RUSC2: variants seen among roughly 807,000 people sequenced by gnomAD.
RUSC2 encodes RUN and SH3 domain containing 2.
A neutral mutation model predicts 122.2 loss-of-function variants in RUSC2; 34 were observed. That is an observed-to-expected ratio of 0.28 (90% confidence interval 0.21 to 0.37). The LOEUF is 0.37. RUSC2 is among the 10% of genes least tolerant of loss of function. RUSC2 has a pLI of 1.00. For synonymous variants in RUSC2, 784 were observed against 790.0 expected, an observed-to-expected ratio of 0.99 and a Z score of 0.13; for missense variants, 1,747 against 1,952.4, an observed-to-expected ratio of 0.89 and a Z score of 1.98.
In RUSC2 at chr9:35,546,559, T is replaced by C; in HGVS notation, c.38T>C (p.Ile13Thr). The C allele has an allele frequency of 1.3e-6, 2 of 1,486,794 alleles. No homozygotes were observed. The highest frequency in any genetic ancestry group is 1.8e-6 in the Non-Finnish European group (2 of 1,118,228). 92.1% of individuals were successfully genotyped at this position (1,486,794 alleles called of 1,614,324 possible). A position where few individuals can be genotyped will look rare whatever the true frequency, so the allele number is the denominator to read the frequency against. Residue 13 changes from isoleucine to threonine, a missense_variant, in exon 2 of 12, where the codon ATC becomes ACC. Coordinates refer to ENST00000361226, the MANE Select transcript of RUSC2 (RefSeq NM_014806.5). This position sits in a 1 kb window ranked among gnomAD's most constrained non-coding sequence, Gnocchi z 4.3. ...SPPKLTGETL[I>T]VHHIPLVHCQ... The stretch of plus-strand genomic sequence containing the variant: ...CCAAAGCTGACTGGAGAGACCCTCA[T>C]CGTTCATCACATCCCCCTGGTGCAC...
intron 1 of RUSC2, among the ~76,000 whole-genome samples, chr9:35,543,203 A>G (rs1233513905): frequency 6.6e-6 from 1 of 152,222 alleles, no homozygotes; most frequent in African/African-American, 2.4e-5. Flanking sequence ...AGGCAGGTGG[A>G]TAACTTGAGC....
At chr9:35,528,510 C>CCTTTTTT (rs1564254357) in intron 1 of RUSC2, among the ~76,000 whole-genome samples, 2 of 145,406 alleles carry the variant, frequency 1.4e-5, no homozygotes, top group African/African-American at 2.5e-5. Flanking sequence ...GATTTGATAC[C>CCTTTTTT]TTTTTTTTTT....
At chr9:35,518,835 GT>G (rs1821157159) in intron 1 of RUSC2, among the ~76,000 whole-genome samples, 1 of 152,200 alleles carries the variant, frequency 6.6e-6, no homozygotes, top group Non-Finnish European at 1.5e-5. Context: ...TCAGCACTCA[GT>G]GCCCTAGTCT....
At chr9:35,518,473 C>T (rs1396417691) in intron 1 of RUSC2, among the ~76,000 whole-genome samples, 4 of 152,174 alleles carry the variant, frequency 2.6e-5, no homozygotes, top group Non-Finnish European at 5.9e-5. Context: ...CTCCTGTCTG[C>T]CTGATGGGGC....
intron 1 of RUSC2, among the ~76,000 whole-genome samples, chr9:35,533,425 A>G (rs1163115671): frequency 6.6e-6 from 1 of 152,132 alleles, no homozygotes; most frequent in African/African-American, 2.4e-5. Flanking sequence ...GAGCAACACC[A>G]CTCAAGCTCC....
intron 1 of RUSC2, among the ~76,000 whole-genome samples, chr9:35,526,739 ACTGCAGCCTGGGC>A (rs1821331900): frequency 6.6e-6 from 1 of 152,220 alleles, no homozygotes; most frequent in East Asian, 1.9e-4. Context: ...GGATGGTGCC[ACTGCAGCCTGGGC>A]AAAAGAGAGA....
chr9:35,561,169 C>CTGT lies in RUSC2; in HGVS notation c.4350-10_4350-8dup. The CTGT allele has an allele frequency of 6.2e-7, 1 of 1,613,774 alleles. No individual in the cohort carries two copies. Among genetic ancestry groups the CTGT allele is most frequent in the Non-Finnish European group, 8.5e-7 (1 of 1,179,838 alleles). ...AGGGGGTTTCTCTGACCTCCATGTGCTGTTTCCCCAGTGAGGTGCAGGCAC... is the reference window on the plus strand; with the variant it reads ...AGGGGGTTTCTCTGACCTCCATGTGCTGTTGTTTCCCCAGTGAGGTGCAGGCAC... On this transcript the variant is annotated splice_polypyrimidine_tract_variant and intron_variant, in intron 11 of 11. Coordinates refer to ENST00000361226, the MANE Select transcript of RUSC2 (RefSeq NM_014806.5).
At chr9:35,495,855 T>A (rs1430667547) in intron 1 of RUSC2, among the ~76,000 whole-genome samples, 1 of 152,228 alleles carries the variant, frequency 6.6e-6, no homozygotes. Context: ...CAATGTTTTG[T>A]ATTTCTCAGT....
At chr9:35,545,922 A>G (rs1821735689) in intron 1 of RUSC2, among the ~76,000 whole-genome samples, 1 of 152,244 alleles carries the variant, frequency 6.6e-6, no homozygotes, top group Non-Finnish European at 1.5e-5. Context: ...ATGATACCGT[A>G]TATTTTAAAA....
chr9:35,513,363 C>T (rs1821044787), intron 1 of RUSC2, among the ~76,000 whole-genome samples: 1 of 152,042 alleles, frequency 6.6e-6, no homozygotes, highest in African/African-American at 2.4e-5. Context: ...ATGCCTCAGC[C>T]TCCCGAGCAG....
intron 2 of RUSC2, among the ~76,000 whole-genome samples, chr9:35,551,288 G>A (rs1821889395): frequency 6.6e-6 from 1 of 152,224 alleles, no homozygotes; most frequent in African/African-American, 2.4e-5. Flanking sequence ...CAGCTGTGCT[G>A]TAGCCTTAGG....
chr9:35,552,503 T>C (rs1465354470), intron 2 of RUSC2, among the ~76,000 whole-genome samples: 1 of 152,204 alleles, frequency 6.6e-6, no homozygotes, highest in Non-Finnish European at 1.5e-5. Context: ...AATGTGAAGT[T>C]TGATATGTAA....
rs1821743032 is a variant in RUSC2, at chr9:35,546,288, G to C, written c.-92-142G>C. The C allele has an allele frequency of 8.3e-6, 3 of 360,316 alleles. No individual in the cohort carries two copies. Among genetic ancestry groups the C allele is most frequent in the Non-Finnish European group, 9.9e-6 (2 of 201,992 alleles). 22.3% of individuals were successfully genotyped at this position (360,316 alleles called of 1,614,324 possible). A position where few individuals can be genotyped will look rare whatever the true frequency, so the allele number is the denominator to read the frequency against. On this transcript the variant is annotated intron_variant, in intron 1 of 11. Transcript: ENST00000361226. The surrounding 1 kb of genome is among the most constrained non-coding windows in gnomAD (Gnocchi z 4.3). ...ATGGTTACGTCCCCACCTGCCTATT[G>C]GGCTGTGTGGTCAAGCTCCATCTTG...
chr9:35,523,927 G>T (rs1821270799), intron 1 of RUSC2, among the ~76,000 whole-genome samples: 3 of 151,988 alleles, frequency 2.0e-5, no homozygotes, highest in South Asian at 2.1e-4. Flanking sequence ...AAAATCCAGG[G>T]GTCCATATTT....
chr9:35,493,488 C>G (rs7026665), intron 1 of RUSC2, among the ~76,000 whole-genome samples: 7,602 of 151,856 alleles, frequency 0.05, 667 homozygotes, highest in African/African-American at 0.17. Context: ...TGTATCAGAA[C>G]TTCCCTCCTT....
At chr9:35,518,659 T>C (rs1389248888) in intron 1 of RUSC2, among the ~76,000 whole-genome samples, 1 of 152,212 alleles carries the variant, frequency 6.6e-6, no homozygotes, top group Non-Finnish European at 1.5e-5. Flanking sequence ...AAGATTTCTA[T>C]CCTAGTGTGT....
intron 1 of RUSC2, among the ~76,000 whole-genome samples, chr9:35,494,640 G>T (rs1820639383): frequency 6.6e-6 from 1 of 151,758 alleles, no homozygotes; most frequent in Non-Finnish European, 1.5e-5. Context: ...TCTTGGATTG[G>T]GTTGTTTGTC....
At chr9:35,543,378 C>T (rs1821681748) in intron 1 of RUSC2, among the ~76,000 whole-genome samples, 2 of 152,024 alleles carry the variant, frequency 1.3e-5, no homozygotes, top group Admixed American at 6.6e-5. Context: ...GCCATGATCG[C>T]ACCACTGCAC....
At chr9:35,556,470 G>C (rs1241560399) in intron 5 of RUSC2, 22 bp downstream of exon 5, 1 of 1,609,568 alleles carries the variant, frequency 6.2e-7, no homozygotes, top group Admixed American at 1.7e-5. Flanking sequence ...CCCCAGCTCA[G>C]GCCAGGGACT....
Sources: gnomAD v4.1 joint callset for allele counts (sites outside exome capture counted in the v4.1 genomes callset) on GRCh38, gnomAD v4.1.1 for gene constraint, Gnocchi (gnomAD v3.1) non-coding constraint, MANE v1.5 for transcripts, NCBI Gene and HGNC (gene_info 2026-07-23, HGNC 2026-07-21) for gene names.